The following PRUNE2 variants were observed in gnomAD, a reference collection of about 807,000 sequenced individuals.
The protein encoded by PRUNE2 is protein prune homolog 2.
In PRUNE2, 164 loss-of-function variants were observed where a neutral mutation model predicts 252.0. The observed-to-expected ratio is 0.65, with a 90% CI of 0.57 to 0.74. The LOEUF is 0.74. Ranked by LOEUF, PRUNE2 falls within the 30% of genes least tolerant of loss-of-function variation. The pLI is 0.00. For synonymous variants in PRUNE2, 1,292 were observed against 1,350.2 expected, an observed-to-expected ratio of 0.96 and a Z score of 0.94; for missense variants, 3,495 against 3,711.0, an observed-to-expected ratio of 0.94 and a Z score of 1.51.
At position 76,709,219 on chromosome 9, in the gene PRUNE2, A is replaced by ATGACTGTTGCAG. The variant is rs2307907; in HGVS notation, c.3043_3054dup (p.Leu1015_Ser1018dup). The ATGACTGTTGCAG allele has an allele frequency of 0.59, 945,236 of 1,607,564 alleles. 281,912 individuals are homozygous for ATGACTGTTGCAG. Among genetic ancestry groups the ATGACTGTTGCAG allele is most frequent in the Middle Eastern group, 0.72 (4,358 of 6,038 alleles). ...GGACCTGAACTGATTCGATTTCGAG[A>ATGACTGTTGCAG]TGACTGTTGCAGTGACTGAGGAGGA... On this transcript the variant is annotated inframe_insertion, in exon 8 of 19. Transcript: ENST00000376718.
Position 76,710,965 on chromosome 9 carries a change from GGCT to G in PRUNE2, c.1306_1308del (p.Ser436del). On this transcript the variant is annotated inframe_deletion, in exon 8 of 19. Transcript: ENST00000376718. Reference sequence around the variant, plus strand: ...AAAACAGAGCTCTCCTTGGATGAGCGGCTGCTCCTAATGGTAGCCAGTCCGCTG... The same window carrying G: ...AAAACAGAGCTCTCCTTGGATGAGCGGCTCCTAATGGTAGCCAGTCCGCTG... 6.2e-7 allele frequency: 1 copy of G among 1,602,628 alleles called. No homozygotes were observed. Among genetic ancestry groups the G allele is most frequent in the African/African-American group, 1.3e-5 (1 of 74,762 alleles).
At chr9:76,687,603 G>A (rs990192243) in intron 9 of PRUNE2, 3 of 405,036 alleles carry the variant, frequency 7.4e-6, no homozygotes, top group African/African-American at 6.2e-5. Flanking sequence ...AGCTTTGACA[G>A]TTGTAGCTTC....
intron 6 of PRUNE2, among the ~76,000 whole-genome samples, chr9:76,809,230 T>C (rs1395307856): frequency 1.3e-5 from 2 of 152,218 alleles, no homozygotes; most frequent in Non-Finnish European, 2.9e-5. Flanking sequence ...CCAATTATAA[T>C]TGCCAATCAT....
intron 9 of PRUNE2, among the ~76,000 whole-genome samples, chr9:76,680,691 T>A (rs1320619138): frequency 6.6e-6 from 1 of 152,184 alleles, no homozygotes; most frequent in African/African-American, 2.4e-5. Flanking sequence ...TTCATACTGC[T>A]ACAAAGAACT....
chr9:76,894,201 C>T (rs7847847), intron 1 of PRUNE2, among the ~76,000 whole-genome samples: 34,846 of 152,092 alleles, frequency 0.23, 5,640 homozygotes, highest in African/African-American at 0.46. Context: ...ACTGCCCACC[C>T]TTCCTTGCAA....
At chr9:76,797,398 T>G (rs952124434) in intron 6 of PRUNE2, among the ~76,000 whole-genome samples, 43 of 151,524 alleles carry the variant, frequency 2.8e-4, no homozygotes, top group Non-Finnish European at 5.3e-4. Context: ...TGTTTGTTTG[T>G]TTGGTTAGTT....
intron 12 of PRUNE2, chr9:76,641,984 T>TTTCATTATAGGAG: frequency 7.2e-7 from 1 of 1,388,044 alleles, no homozygotes; most frequent in Non-Finnish European, 9.5e-7. Context: ...GAATCTCCTA[T>TTTCATTATAGGAG]AATGAAATAA....
chr9:76,694,380 A>G (rs2045169688), intron 9 of PRUNE2, among the ~76,000 whole-genome samples: 1 of 152,088 alleles, frequency 6.6e-6, no homozygotes, highest in Non-Finnish European at 1.5e-5. Flanking sequence ...ACAGGGTTTC[A>G]CCATATTGGC....
chr9:76,715,386 C>A (rs10781370), intron 6 of PRUNE2, among the ~76,000 whole-genome samples: 1 of 152,046 alleles, frequency 6.6e-6, no homozygotes, highest in African/African-American at 2.4e-5. Context: ...AGGCCCCGCC[C>A]ATCACGGGCT....
chr9:76,626,099 G>T (rs1834630529), intron 16 of PRUNE2, among the ~76,000 whole-genome samples: 1 of 152,202 alleles, frequency 6.6e-6, no homozygotes, highest in Non-Finnish European at 1.5e-5. Context: ...TATATTGATT[G>T]ATTGATGAAA....
chr9:76,761,270 T>C (rs2051700929), intron 6 of PRUNE2, among the ~76,000 whole-genome samples: 1 of 152,182 alleles, frequency 6.6e-6, no homozygotes, highest in Non-Finnish European at 1.5e-5. Context: ...GTGAGATTGC[T>C]GCCCCATCTT....
chr9:76,888,594 C>CTATTAT (rs10655603), intron 1 of PRUNE2, among the ~76,000 whole-genome samples: 57 of 147,164 alleles, frequency 3.9e-4, no homozygotes, highest in South Asian at 1.1e-3. Context: ...ATAATAATAA[C>CTATTAT]TATTATTATT....
chr9:76,636,354 A>C, intron 15 of PRUNE2, 117 bp downstream of exon 15: 1 of 660,018 alleles, frequency 1.5e-6, no homozygotes, highest in Non-Finnish European at 2.7e-6. Context: ...GGAAAGACAG[A>C]GACAAATATA....
intron 1 of PRUNE2, among the ~76,000 whole-genome samples, chr9:76,903,118 C>A (rs1448126809): frequency 2.6e-5 from 4 of 152,178 alleles, no homozygotes; most frequent in Non-Finnish European, 5.9e-5. Context: ...TCTCTCCTTA[C>A]AATGACAGAT....
At chr9:76,731,282 CTATCTA>C (rs1468044909) in intron 6 of PRUNE2, among the ~76,000 whole-genome samples, 49 of 76,768 alleles carry the variant, frequency 6.4e-4, no homozygotes, top group African/African-American at 1.9e-3. Flanking sequence ...TTCCCTCTCT[CTATCTA>C]TCTATCTATC....
At chr9:76,687,934 T>C (rs1741647072) in intron 9 of PRUNE2, among the ~76,000 whole-genome samples, 1 of 152,208 alleles carries the variant, frequency 6.6e-6, no homozygotes, top group Admixed American at 6.5e-5. Flanking sequence ...AAAGGTGGTA[T>C]CTGGCCCGTT....
chr9:76,730,813 G>C (rs1032755898), intron 6 of PRUNE2, among the ~76,000 whole-genome samples: 1 of 152,204 alleles, frequency 6.6e-6, no homozygotes, highest in Non-Finnish European at 1.5e-5. Context: ...TGAGGCAGGA[G>C]AATCGCTTGA....
chr9:76,811,879 G>A (rs1020639198), intron 6 of PRUNE2, among the ~76,000 whole-genome samples: 3 of 152,164 alleles, frequency 2.0e-5, no homozygotes, highest in African/African-American at 7.2e-5. Context: ...GCATTACGAA[G>A]TTACTAGAAG....
intron 6 of PRUNE2, among the ~76,000 whole-genome samples, chr9:76,812,735 G>C (rs1328022348): frequency 6.6e-6 from 1 of 152,146 alleles, no homozygotes; most frequent in Admixed American, 6.5e-5. Context: ...ATTTTCTCTT[G>C]ATGGCCACCT....
Sources: allele counts gnomAD v4.1 joint callset (sites outside exome capture counted in the v4.1 genomes callset), GRCh38; gene constraint gnomAD v4.1.1; transcripts MANE v1.5; gene names NCBI Gene and HGNC (gene_info 2026-07-23, HGNC 2026-07-21).